Variants in DNAH3 observed in about 807,000 individuals in gnomAD.
DNAH3 encodes axonemal beta dynein heavy chain 3.
DNAH3 carries 332 observed loss-of-function variants against 432.5 expected under a neutral mutation model. That is an observed-to-expected ratio of 0.77 (90% CI 0.70 to 0.84). The LOEUF is 0.84. Among genes scored for constraint, DNAH3 ranks in the 40% least tolerant of loss-of-function variants. DNAH3 has a pLI of 0.00. For synonymous variants in DNAH3, 1,956 were observed against 1,900.2 expected (o/e 1.03, Z -0.76); for missense variants, 4,861 against 5,114.0 (o/e 0.95, Z 1.51).
intron 15 of DNAH3, 120 bp from the exon 16 acceptor site, chr16:21,104,714 C>T (rs2091909620): frequency 1.6e-6 from 1 of 621,554 alleles, no homozygotes; most frequent in African/African-American, 1.8e-5. Context: ...GCAATGAACA[C>T]ATGGATGAGT....
chr16:21,064,138 T>A (rs2090458288), intron 24 of DNAH3, among the ~76,000 whole-genome samples: 1 of 152,214 alleles, frequency 6.6e-6, no homozygotes, highest in East Asian at 1.9e-4. Context: ...TAAGTGAACA[T>A]GAGTCTGTGC....
intron 28 of DNAH3, among the ~76,000 whole-genome samples, chr16:21,052,364 G>C (rs967741302): frequency 6.6e-6 from 1 of 152,180 alleles, no homozygotes; most frequent in Non-Finnish European, 1.5e-5. Flanking sequence ...TTAGAAGCTG[G>C]TCTTTGCTTT....
chr16:21,005,839 CT>C (rs200954605), intron 41 of DNAH3, among the ~76,000 whole-genome samples: 13,145 of 130,520 alleles, frequency 0.1, 458 homozygotes, highest in East Asian at 0.17. Flanking sequence ...TTGCTCTATT[CT>C]TTTTTTTTTT....
rs796407428 is a variant in DNAH3, at chr16:21,078,440, G to A, written c.2970-2879C>T. 7.9e-5 allele frequency among the ~76,000 whole-genome samples: 12 copies of A among 152,232 alleles called. 1 individual carries two copies. Among genetic ancestry groups the A allele is most frequent in the Middle Eastern group, 6.8e-3 (2 of 294 alleles). ...AAGGACTGATCAGGACCTCAGCAGC[G>A]TGGTCACTGACTTAAATATGGCCTG... On this transcript the variant is annotated intron_variant, in intron 20 of 61. Coordinates refer to ENST00000261383, the Ensembl canonical transcript of DNAH3.
chr16:20,942,911 T>C (rs908727153), intron 58 of DNAH3, among the ~76,000 whole-genome samples: 2 of 152,112 alleles, frequency 1.3e-5, no homozygotes, highest in Non-Finnish European at 2.9e-5. Flanking sequence ...TTTTTCATTG[T>C]TGTTGTTACT....
At chr16:21,058,178 C>A (rs1369380623) in exon 27 of DNAH3, 1 of 1,612,546 alleles carries the variant, frequency 6.2e-7, no homozygotes, top group Non-Finnish European at 8.5e-7. Flanking sequence ...CACTGTAAGA[C>A]CCAGTGATTT....
At chr16:21,145,037 G>A (rs181589749) in intron 3 of DNAH3, 144 bp downstream of exon 4, 22 of 660,958 alleles carry the variant, frequency 3.3e-5, no homozygotes, top group Admixed American at 1.6e-4. Context: ...ACTTGAATCC[G>A]GGAGGCGGAG....
chr16:20,952,998 A>T (rs953170233), intron 55 of DNAH3, among the ~76,000 whole-genome samples: 17 of 152,274 alleles, frequency 1.1e-4, no homozygotes, highest in Admixed American at 2.6e-4. Flanking sequence ...GACCACTCGT[A>T]TTTCCAAGGG....
intron 41 of DNAH3, among the ~76,000 whole-genome samples, chr16:21,009,595 T>A (rs2087479988): frequency 6.6e-6 from 1 of 152,298 alleles, no homozygotes; most frequent in South Asian, 2.1e-4. Flanking sequence ...GAGAAAAGAT[T>A]TGGCTGGGTG....
At chr16:21,073,003 G>A (rs1263317256) in intron 21 of DNAH3, among the ~76,000 whole-genome samples, 1 of 152,070 alleles carries the variant, frequency 6.6e-6, no homozygotes, top group Non-Finnish European at 1.5e-5. Flanking sequence ...TGTTTTACAA[G>A]TAGGTAAGGT....
At position 20,987,750 on chromosome 16, in the gene DNAH3, CA is replaced by C. The variant is rs770406653; in HGVS notation, c.6824del (p.Leu2275ArgfsTer7). On this transcript the variant is annotated frameshift_variant, in exon 46 of 62. Transcript: ENST00000261383. LOFTEE classifies it high-confidence loss of function. ...CTTGAATCACTCGTGAGAAGTCCCG[CA>C]GGTTAAAGACGTAATGTGACTTCGA... The C allele has an allele frequency of 1.2e-6, 2 of 1,614,160 alleles. No individual in the cohort carries two copies. The highest frequency in any genetic ancestry group is 4.5e-5 in the East Asian group (2 of 44,878).
intron 55 of DNAH3, among the ~76,000 whole-genome samples, chr16:20,954,222 CAAAAA>C (rs11300288): frequency 3.4e-5 from 4 of 116,600 alleles, no homozygotes; most frequent in Non-Finnish European, 3.4e-5. Context: ...GACCCTATCT[CAAAAA>C]AAAAAAAAAA....
At chr16:21,062,138 G>T (rs2090380797) in intron 25 of DNAH3, among the ~76,000 whole-genome samples, 1 of 152,198 alleles carries the variant, frequency 6.6e-6, no homozygotes, top group Non-Finnish European at 1.5e-5. Context: ...GCCCCAGGAA[G>T]CTACCTGTCT....
chr16:20,964,484 G>A (rs774491449), exon 53 of DNAH3: 3 of 1,614,212 alleles, frequency 1.9e-6, no homozygotes, highest in South Asian at 1.1e-5. Context: ...GAAGCATCCA[G>A]CTCTTCTCCA....
intron 52 of DNAH3, among the ~76,000 whole-genome samples, chr16:20,968,881 GTC>G (rs376444185): frequency 1.3e-5 from 2 of 149,664 alleles, no homozygotes; most frequent in African/African-American, 5.0e-5. Flanking sequence ...TTCCCACTCT[GTC>G]TCTCTGTTTC....
chr16:21,090,344 C>T (rs1280438882), intron 18 of DNAH3, among the ~76,000 whole-genome samples: 1 of 149,602 alleles, frequency 6.7e-6, no homozygotes, highest in Non-Finnish European at 1.5e-5. Flanking sequence ...CAGTGATACG[C>T]TGATACAAAA....
intron 23 of DNAH3, 75 bp downstream of exon 23, chr16:21,069,340 G>A: frequency 7.8e-7 from 1 of 1,288,072 alleles, no homozygotes; most frequent in Non-Finnish European, 1.1e-6. Context: ...AAGTTTCAAG[G>A]AAGGTGACTA....
intron 37 of DNAH3, 35 bp downstream of exon 37, chr16:21,031,010 A>G (rs1262740183): frequency 1.2e-6 from 2 of 1,608,240 alleles, no homozygotes; most frequent in East Asian, 2.2e-5. Context: ...TTTATGTCTC[A>G]CTCATGGAAA....
intron 59 of DNAH3, 87 bp from the exon 60 acceptor site, chr16:20,936,940 T>C: frequency 1.9e-6 from 2 of 1,057,378 alleles, no homozygotes; most frequent in Non-Finnish European, 2.7e-6. Context: ...CTTTAAAATG[T>C]CAGTTAATTA....
Sources: allele counts gnomAD v4.1 joint callset (sites outside exome capture counted in the v4.1 genomes callset), GRCh38; gene constraint gnomAD v4.1.1; transcripts MANE v1.5; gene names NCBI Gene and HGNC (gene_info 2026-07-23, HGNC 2026-07-21).